NRG3: variants seen among roughly 807,000 people sequenced by gnomAD.
NRG3 encodes the protein neuregulin 3.
A neutral mutation model predicts 66.9 loss-of-function variants in NRG3; 31 were observed. The ratio of observed to expected loss-of-function variants is 0.46; its 90% CI spans 0.35 to 0.63. The LOEUF is 0.63. NRG3 is among the 20% of genes least tolerant of loss of function. The probability of loss-of-function intolerance (pLI) is 0.00; values close to 1 mark genes in which losing one functional copy is unlikely to be tolerated. For synonymous variants in NRG3, 393 were observed against 359.4 expected (o/e 1.09, Z -1.06); for missense variants, 910 against 878.9 (o/e 1.04, Z -0.45).
chr10:82,474,344 AAACATG>A (rs1485197961), intron 2 of NRG3, among the ~76,000 whole-genome samples: 1 of 152,162 alleles, frequency 6.6e-6, no homozygotes, highest in Non-Finnish European at 1.5e-5. Flanking sequence ...AGCTAAAGAA[AAACATG>A]AATGGATGAC....
At chr10:82,736,021 G>A (rs889925900) in intron 2 of NRG3, among the ~76,000 whole-genome samples, 3 of 152,058 alleles carry the variant, frequency 2.0e-5, no homozygotes, top group Non-Finnish European at 4.4e-5. Flanking sequence ...ACTTCTTAAT[G>A]TTATTAACTT....
At chr10:81,948,994 C>G (rs533758879) in intron 1 of NRG3, among the ~76,000 whole-genome samples, 1 of 152,108 alleles carries the variant, frequency 6.6e-6, no homozygotes, top group African/African-American at 2.4e-5. Context: ...GTCCTCTCCC[C>G]AGGGAGTATG....
At chr10:82,307,129 A>G (rs1403240256) in intron 1 of NRG3, among the ~76,000 whole-genome samples, 1 of 152,192 alleles carries the variant, frequency 6.6e-6, no homozygotes, top group East Asian at 1.9e-4. Context: ...CGATAGGCAC[A>G]TAAAAATTGT....
intron 1 of NRG3, among the ~76,000 whole-genome samples, chr10:81,886,778 C>T (rs530629790): frequency 1.1e-4 from 17 of 152,046 alleles, no homozygotes; most frequent in South Asian, 2.1e-4. Flanking sequence ...TTAAAGCTTT[C>T]GGGAAATGTT....
chr10:82,304,188 A>G (rs2080578974), intron 1 of NRG3, among the ~76,000 whole-genome samples: 1 of 152,174 alleles, frequency 6.6e-6, no homozygotes, highest in South Asian at 2.1e-4. Context: ...TTTAGAGCCA[A>G]TCTGATAGGT....
At chr10:82,967,023 G>C (rs1012496575) in intron 6 of NRG3, among the ~76,000 whole-genome samples, 5 of 151,686 alleles carry the variant, frequency 3.3e-5, no homozygotes, top group Admixed American at 3.3e-4. Context: ...GAAATAGCTA[G>C]TTTCTTTCTT....
chr10:82,586,709 G>A (rs2046691982), intron 2 of NRG3, among the ~76,000 whole-genome samples: 2 of 152,040 alleles, frequency 1.3e-5, no homozygotes, highest in Admixed American at 1.3e-4. Context: ...TTTATCTTGT[G>A]TTTAGTTGCT....
At position 82,491,170 on chromosome 10, in the gene NRG3, A is replaced by T. The variant is rs1015974426; in HGVS notation, c.953+132302A>T. Reference sequence around the variant, plus strand: ...AGATATCAGCTTTAATAACTACCTCATCCTTTTCAAGTCTTTGTCCATGTT... The same window carrying T: ...AGATATCAGCTTTAATAACTACCTCTTCCTTTTCAAGTCTTTGTCCATGTT... On this transcript the variant is annotated intron_variant, in intron 2 of 8. Coordinates refer to ENST00000372141, the MANE Select transcript of NRG3 (RefSeq NM_001010848.4). 3.3e-5 allele frequency among the ~76,000 whole-genome samples: 5 copies of T among 151,030 alleles called. No homozygotes were observed. In the Admixed American group the frequency reaches 3.3e-4, roughly 10 times the overall value.
At chr10:81,965,306 C>T (rs1394557434) in intron 1 of NRG3, among the ~76,000 whole-genome samples, 1 of 152,188 alleles carries the variant, frequency 6.6e-6, no homozygotes, top group Non-Finnish European at 1.5e-5. Flanking sequence ...CTATCTACTA[C>T]TTATTAGATG....
chr10:82,175,191 G>A (rs2072935682), intron 1 of NRG3, among the ~76,000 whole-genome samples: 1 of 152,074 alleles, frequency 6.6e-6, no homozygotes, highest in African/African-American at 2.4e-5. Context: ...ACCAACACGA[G>A]GTCAGGCAAG....
At chr10:81,916,381 G>A (rs1299183368) in intron 1 of NRG3, among the ~76,000 whole-genome samples, 1 of 152,160 alleles carries the variant, frequency 6.6e-6, no homozygotes, top group Non-Finnish European at 1.5e-5. Context: ...ATAATAAATA[G>A]TATAAGTAAA....
rs191142172 is a variant in NRG3, at chr10:82,093,500, G to A, written c.823+217337G>A. Among the ~76,000 whole-genome samples the A allele has an allele frequency of 1.3e-3, 194 of 152,198 alleles. 1 individual carries two copies. The highest frequency in any genetic ancestry group is 9.2e-3 in the Admixed American group (140 of 15,284). On this transcript the variant is annotated intron_variant, in intron 1 of 8. Coordinates refer to ENST00000372141, the MANE Select transcript of NRG3 (RefSeq NM_001010848.4). ...AATTAACCATATATATGTAATTACT[G>A]GGGCATTATGAAAGACTTCTGACAT...
At chr10:82,525,610 G>T (rs910269841) in intron 2 of NRG3, among the ~76,000 whole-genome samples, 43 of 151,522 alleles carry the variant, frequency 2.8e-4, no homozygotes, top group African/African-American at 8.5e-4. Context: ...TATTGCTGCA[G>T]ATTTTTTTTC....
intron 1 of NRG3, among the ~76,000 whole-genome samples, chr10:82,163,642 G>A (rs1360553003): frequency 6.6e-6 from 1 of 152,148 alleles, no homozygotes; most frequent in African/African-American, 2.4e-5. Context: ...TTTAGAAGTG[G>A]TTAGAAAAGA....
chr10:82,934,391 T>A (rs1847873997), intron 4 of NRG3, among the ~76,000 whole-genome samples: 1 of 152,196 alleles, frequency 6.6e-6, no homozygotes, highest in African/African-American at 2.4e-5. Flanking sequence ...TGTAACCGTA[T>A]CCTCCAATCA....
intron 1 of NRG3, among the ~76,000 whole-genome samples, chr10:82,095,345 TG>T (rs2066274016): frequency 6.6e-6 from 1 of 151,732 alleles, no homozygotes; most frequent in Admixed American, 6.6e-5. Flanking sequence ...AAGATGGTGT[TG>T]GGGAGCTTGA....
chr10:82,784,515 AC>A (rs1402438364), intron 3 of NRG3, among the ~76,000 whole-genome samples: 2 of 152,026 alleles, frequency 1.3e-5, no homozygotes, highest in Non-Finnish European at 2.9e-5. Flanking sequence ...CAAGAAAAAA[AC>A]AAACAACCCC....
intron 4 of NRG3, among the ~76,000 whole-genome samples, chr10:82,910,644 A>G (rs1047043523): frequency 1.3e-5 from 2 of 152,210 alleles, no homozygotes; most frequent in African/African-American, 4.8e-5. Flanking sequence ...TTCCTTAACA[A>G]CCGTTCTGTT....
At chr10:82,590,541 CT>C (rs2046922512) in intron 2 of NRG3, among the ~76,000 whole-genome samples, 1 of 152,128 alleles carries the variant, frequency 6.6e-6, no homozygotes, top group African/African-American at 2.4e-5. Flanking sequence ...CTACCACGGG[CT>C]TGTTAGAACT....
Sources: gnomAD v4.1 joint callset for allele counts (sites outside exome capture counted in the v4.1 genomes callset) on GRCh38, gnomAD v4.1.1 for gene constraint, MANE v1.5 for transcripts, NCBI Gene and HGNC (gene_info 2026-07-23, HGNC 2026-07-21) for gene names.